Variants in AUTS2 observed in about 807,000 individuals in gnomAD.
AUTS2 encodes autism susceptibility gene 2 protein.
Under a neutral mutation model 112.4 loss-of-function variants are expected in AUTS2, and 17 were observed. The ratio of observed to expected loss-of-function variants is 0.15; its 90% CI spans 0.10 to 0.23. The LOEUF is 0.23. Among genes scored for constraint, AUTS2 ranks in the 10% least tolerant of loss-of-function variants. The pLI is 1.00. For missense variants in AUTS2, 1,510 were observed against 1,701.6 expected (o/e 0.89, Z 1.98); for synonymous variants, 751 against 702.7 (o/e 1.07, Z -1.09).
At chr7:69,754,751 C>T (rs1397322330) in intron 1 of AUTS2, among the ~76,000 whole-genome samples, 1 of 152,138 alleles carries the variant, frequency 6.6e-6, no homozygotes, top group East Asian at 1.9e-4. Context: ...TAGCTCATCT[C>T]ATTCTCAAAA....
chr7:69,956,786 G>A (rs968482717), intron 2 of AUTS2, among the ~76,000 whole-genome samples: 6 of 152,132 alleles, frequency 3.9e-5, no homozygotes, highest in Non-Finnish European at 8.8e-5. Context: ...GTTGTGTGAT[G>A]TGCTCCAGTT....
chr7:69,707,705 A>T (rs933672624), intron 1 of AUTS2, among the ~76,000 whole-genome samples: 3 of 152,214 alleles, frequency 2.0e-5, no homozygotes. Context: ...ATTAACATAT[A>T]TGAATCTGGT....
At chr7:69,876,349 A>AAAATATATATATAT (rs1554396465) in intron 1 of AUTS2, among the ~76,000 whole-genome samples, 1 of 29,494 alleles carries the variant, frequency 3.4e-5, no homozygotes, top group African/African-American at 1.5e-4. Flanking sequence ...AAAAAAAAAA[A>AAAATATATATATAT]ATATATATAT....
At chr7:70,712,781 T>C (rs1467821995) in intron 6 of AUTS2, among the ~76,000 whole-genome samples, 3 of 152,180 alleles carry the variant, frequency 2.0e-5, no homozygotes, top group South Asian at 2.1e-4. Context: ...AGGTTCGTAG[T>C]TGGGCAGCCT....
intron 1 of AUTS2, among the ~76,000 whole-genome samples, chr7:69,614,723 C>T (rs951821894): frequency 1.8e-4 from 28 of 152,002 alleles, no homozygotes; most frequent in African/African-American, 6.3e-4. Flanking sequence ...GTCTCAAGTG[C>T]TTCTCCTGCC....
chr7:70,786,889 T>A (rs1286579188), intron 17 of AUTS2: 7 of 417,952 alleles, frequency 1.7e-5, no homozygotes, highest in Admixed American at 3.7e-5. Context: ...CCCTTCTGCA[T>A]GCCTGGAACT....
At chr7:69,693,691 T>C (rs1442356545) in intron 1 of AUTS2, among the ~76,000 whole-genome samples, 2 of 152,168 alleles carry the variant, frequency 1.3e-5, no homozygotes, top group Admixed American at 6.5e-5. Flanking sequence ...TCTCTCTCTC[T>C]CCCACTGAAG....
intron 2 of AUTS2, among the ~76,000 whole-genome samples, chr7:70,024,875 T>G (rs554174430): frequency 6.6e-6 from 1 of 152,334 alleles, no homozygotes; most frequent in Non-Finnish European, 1.5e-5. Context: ...TTACTTGAAG[T>G]TAACTGATTG....
intron 5 of AUTS2, among the ~76,000 whole-genome samples, chr7:70,569,061 C>T (rs1257356365): frequency 2.6e-5 from 4 of 152,148 alleles, no homozygotes. Flanking sequence ...AGATAACTCA[C>T]CCTCACGATG....
intron 3 of AUTS2, among the ~76,000 whole-genome samples, chr7:70,130,257 G>T (rs1174680130): frequency 6.6e-6 from 1 of 152,296 alleles, no homozygotes; most frequent in Middle Eastern, 3.4e-3. Flanking sequence ...TGTACTCAGG[G>T]AGCTGTAACA....
intron 2 of AUTS2, among the ~76,000 whole-genome samples, chr7:69,997,271 A>G (rs1346311608): frequency 6.6e-6 from 1 of 152,178 alleles, no homozygotes; most frequent in Admixed American, 6.5e-5. Context: ...TTGTTCTCCT[A>G]TGTCTTATAA....
chr7:70,000,531 A>C (rs530408373), intron 2 of AUTS2, among the ~76,000 whole-genome samples: 7 of 152,260 alleles, frequency 4.6e-5, no homozygotes, highest in Admixed American at 3.3e-4. Context: ...TTAATAACAG[A>C]GTTGATTGTT....
chr7:70,747,858 G>C (rs982235557), intron 6 of AUTS2, among the ~76,000 whole-genome samples: 42 of 151,284 alleles, frequency 2.8e-4, no homozygotes, highest in Admixed American at 4.6e-4. Flanking sequence ...GTCTCGCTCT[G>C]TCGCCCAGGC....
chr7:70,627,136 T>G (rs1407534296), intron 5 of AUTS2, among the ~76,000 whole-genome samples: 1 of 152,236 alleles, frequency 6.6e-6, no homozygotes, highest in Non-Finnish European at 1.5e-5. Flanking sequence ...CCACCAGCAG[T>G]GTATAAGCAT....
chr7:70,326,789 A>G lies in AUTS2; in HGVS notation c.661-108963A>G, dbSNP rs555004999. ...CTATGAGTGTGGCAACAATGAGGAG[A>G]CATTGAATCCTCAAGTCACATTGGC... On this transcript the variant is annotated intron_variant, in intron 4 of 18. Coordinates refer to ENST00000342771, the MANE Select transcript of AUTS2 (RefSeq NM_015570.4). 1.4e-4 allele frequency among the ~76,000 whole-genome samples: 21 copies of G among 152,242 alleles called. 1 individual carries two copies. In the South Asian group the frequency reaches 4.1e-3, roughly 30 times the overall value.
Position 69,753,574 on chromosome 7 carries a change from G to C in AUTS2, c.310-145712G>C, listed in dbSNP as rs1787829418. ...CCTGAAGTTTCCTGTCCATGAAAAG[G>C]GGATGTGTGAGGGTGCAATATGGGT... On this transcript the variant is annotated intron_variant, in intron 1 of 18. Transcript: ENST00000342771. Among the ~76,000 whole-genome samples the C allele has an allele frequency of 2.6e-5, 4 of 152,154 alleles. No homozygotes were observed. The South Asian group carries it at 8.3e-4, about 32-fold the overall frequency.
intron 4 of AUTS2, among the ~76,000 whole-genome samples, chr7:70,313,842 G>A (rs12698895): frequency 0.31 from 46,690 of 152,016 alleles, 7,766 homozygotes; most frequent in African/African-American, 0.44. Context: ...TTATCCCCCC[G>A]TGGAGACGTG....
At chr7:70,109,137 A>G (rs1474798034) in intron 2 of AUTS2, among the ~76,000 whole-genome samples, 3 of 152,238 alleles carry the variant, frequency 2.0e-5, no homozygotes, top group Admixed American at 6.5e-5. Context: ...ATGACAGGCC[A>G]TTTAAAAAGT....
intron 1 of AUTS2, among the ~76,000 whole-genome samples, chr7:69,730,221 G>T (rs1414126930): frequency 6.6e-6 from 1 of 151,420 alleles, no homozygotes; most frequent in Non-Finnish European, 1.5e-5. Flanking sequence ...ATTGTGCCTG[G>T]CAATATGTAA....
Sources: gnomAD v4.1 joint callset for allele counts (sites outside exome capture counted in the v4.1 genomes callset) on GRCh38, gnomAD v4.1.1 for gene constraint, MANE v1.5 for transcripts, NCBI Gene and HGNC (gene_info 2026-07-23, HGNC 2026-07-21) for gene names.